Variants in RBFOX1 observed in about 807,000 individuals in gnomAD.
RBFOX1 encodes RNA binding fox-1 homolog 1, also known as RNA binding protein fox-1 homolog 1.
Under a neutral mutation model 57.7 loss-of-function variants are expected in RBFOX1, and 8 were observed. The ratio of observed to expected loss-of-function variants is 0.14; its 90% confidence interval spans 0.08 to 0.25. RBFOX1 has a LOEUF of 0.25. Ranked by LOEUF, RBFOX1 falls within the 10% of genes least tolerant of loss-of-function variation. The pLI, the probability that RBFOX1 is intolerant of heterozygous loss-of-function variation, is 1.00. For synonymous variants in RBFOX1, 326 were observed against 222.4 expected, an observed-to-expected ratio of 1.47 and a Z score of -4.15; for missense variants, 611 against 548.5, an observed-to-expected ratio of 1.11 and a Z score of -1.14.
chr16:5,266,172 T>C (rs1202323809), intron 1 of RBFOX1, among the ~76,000 whole-genome samples: 1 of 152,160 alleles, frequency 6.6e-6, no homozygotes, highest in East Asian at 1.9e-4. Flanking sequence ...TGTGATTGTG[T>C]GTATGTCAGG....
At chr16:7,509,702 T>A (rs1489113344) in intron 4 of RBFOX1, among the ~76,000 whole-genome samples, 3 of 152,144 alleles carry the variant, frequency 2.0e-5, no homozygotes, top group Non-Finnish European at 4.4e-5. Flanking sequence ...CTTGATGTAC[T>A]CACAGTATTT....
chr16:6,349,291 C>T (rs992450536), intron 2 of RBFOX1, among the ~76,000 whole-genome samples: 3 of 152,130 alleles, frequency 2.0e-5, no homozygotes, highest in African/African-American at 4.8e-5. Context: ...AGAATTCACT[C>T]AGCTGATAAG....
intron 1 of RBFOX1, among the ~76,000 whole-genome samples, chr16:6,252,836 G>C (rs2097629284): frequency 6.6e-6 from 1 of 152,184 alleles, no homozygotes; most frequent in African/African-American, 2.4e-5. Context: ...ACATGTTGCT[G>C]TTCGATGGGT....
chr16:7,218,880 G>T (rs1195715535), intron 4 of RBFOX1, among the ~76,000 whole-genome samples: 1 of 152,066 alleles, frequency 6.6e-6, no homozygotes, highest in African/African-American at 2.4e-5. Context: ...CAGCCTCGAT[G>T]CATCGCATGC....
intron 1 of RBFOX1, among the ~76,000 whole-genome samples, chr16:5,438,495 A>G (rs767352391): frequency 6.6e-6 from 1 of 152,166 alleles, no homozygotes; most frequent in Non-Finnish European, 1.5e-5. Context: ...CCAGCATTCC[A>G]ACTGAGTTAT....
chr16:7,468,410 G>A (rs2060920839), intron 4 of RBFOX1, among the ~76,000 whole-genome samples: 1 of 151,250 alleles, frequency 6.6e-6, no homozygotes, highest in South Asian at 2.1e-4. Context: ...AACTCACGCT[G>A]CTACTTGCAC....
intron 4 of RBFOX1, among the ~76,000 whole-genome samples, chr16:7,236,879 C>A (rs1014219097): frequency 6.6e-6 from 1 of 152,090 alleles, no homozygotes; most frequent in South Asian, 2.1e-4. Flanking sequence ...TTCACCTTCT[C>A]TAGAATGGCT....
chr16:5,918,487 C>T (rs1224579142), intron 4 of RBFOX1, among the ~76,000 whole-genome samples: 5 of 152,184 alleles, frequency 3.3e-5, no homozygotes, highest in East Asian at 3.9e-4. Flanking sequence ...CACCTAGTTC[C>T]GTATCGTAAG....
In RBFOX1 at chr16:6,768,765, TG is replaced by T. The variant is rs1188288082; in HGVS notation, c.-16+114116del. 1.9e-4 allele frequency among the ~76,000 whole-genome samples: 25 copies of T among 133,598 alleles called. No individual in the cohort carries two copies. The East Asian group carries it at 3.0e-3, about 16-fold the overall frequency. 87.6% of individuals were successfully genotyped at this position (133,598 alleles called of 152,430 possible). On this transcript the variant is annotated intron_variant, in intron 3 of 15. Coordinates refer to ENST00000550418, the MANE Select transcript of RBFOX1 (RefSeq NM_018723.4). ...CTTTTTTTTTTTTTGAGACTTGCTT[TG>T]TCGCCAGGTTGGAGTGCAATGGGGC...
At chr16:7,240,988 C>G (rs912012396) in intron 4 of RBFOX1, among the ~76,000 whole-genome samples, 1 of 152,188 alleles carries the variant, frequency 6.6e-6, no homozygotes, top group African/African-American at 2.4e-5. Context: ...CCTTCCCAAA[C>G]AATTCTCTTA....
intron 3 of RBFOX1, among the ~76,000 whole-genome samples, chr16:6,982,550 A>C (rs2089207577): frequency 6.6e-6 from 1 of 152,150 alleles, no homozygotes; most frequent in Non-Finnish European, 1.5e-5. Context: ...CTTTTGATGG[A>C]ATCTCCCTGT....
chr16:5,445,809 C>T (rs2068222924), intron 1 of RBFOX1, among the ~76,000 whole-genome samples: 1 of 152,234 alleles, frequency 6.6e-6, no homozygotes, highest in African/African-American at 2.4e-5. Flanking sequence ...CTGACCCATA[C>T]TATATGCTAA....
intron 2 of RBFOX1, among the ~76,000 whole-genome samples, chr16:6,609,916 G>A (rs183585664): frequency 9.2e-5 from 14 of 152,190 alleles, no homozygotes; most frequent in Admixed American, 3.9e-4. Flanking sequence ...GCTGAGGCAC[G>A]AGACTTGCTT....
intron 2 of RBFOX1, among the ~76,000 whole-genome samples, chr16:6,484,289 G>A (rs987213274): frequency 1.3e-5 from 2 of 152,198 alleles, no homozygotes; most frequent in East Asian, 1.9e-4. Flanking sequence ...TTGCAAGGGA[G>A]CATGTGTGTG....
At chr16:7,499,133 G>A (rs942761337) in intron 4 of RBFOX1, among the ~76,000 whole-genome samples, 1 of 152,142 alleles carries the variant, frequency 6.6e-6, no homozygotes, top group Non-Finnish European at 1.5e-5. Flanking sequence ...CACAGTTCTG[G>A]AGGCCTGAAG....
intron 4 of RBFOX1, among the ~76,000 whole-genome samples, chr16:5,936,472 C>G (rs1008280555): frequency 6.6e-6 from 1 of 152,096 alleles, no homozygotes; most frequent in Non-Finnish European, 1.5e-5. Flanking sequence ...GACAGTGAGA[C>G]TGGAAGGAGT....
At chr16:6,471,971 A>T (rs2095185550) in intron 2 of RBFOX1, among the ~76,000 whole-genome samples, 1 of 152,190 alleles carries the variant, frequency 6.6e-6, no homozygotes, top group Admixed American at 6.5e-5. Context: ...TCTGGGGCCA[A>T]ACAGACTCCT....
At chr16:7,682,532 G>C (rs974288592) in intron 14 of RBFOX1, among the ~76,000 whole-genome samples, 1 of 150,088 alleles carries the variant, frequency 6.7e-6, no homozygotes, top group Admixed American at 6.6e-5. Flanking sequence ...TGAAGAAGCT[G>C]TTCTTGGTTT....
At chr16:6,232,450 G>C (rs76141262) in intron 1 of RBFOX1, among the ~76,000 whole-genome samples, 2 of 152,298 alleles carry the variant, frequency 1.3e-5, no homozygotes, top group East Asian at 3.9e-4. Context: ...TAACATGACA[G>C]CCCTTTGGGG....
Sources: gnomAD v4.1 joint callset for allele counts (sites outside exome capture counted in the v4.1 genomes callset) on GRCh38, gnomAD v4.1.1 for gene constraint, MANE v1.5 for transcripts, NCBI Gene and HGNC (gene_info 2026-07-23, HGNC 2026-07-21) for gene names.